Variants in TSGA10 observed in about 807,000 individuals in gnomAD.
TSGA10 encodes testis-specific gene 10 protein.
Under a neutral mutation model 96.6 loss-of-function variants are expected in TSGA10, and 43 were observed. The ratio of observed to expected loss-of-function variants is 0.44; its 90% confidence interval spans 0.35 to 0.57. The LOEUF is 0.57. TSGA10 is among the 20% of genes least tolerant of loss of function. TSGA10 has a pLI of 0.01. For synonymous variants in TSGA10, 229 were observed against 269.9 expected (o/e 0.85, Z 1.48); for missense variants, 703 against 834.4 (o/e 0.84, Z 1.94).
Position 99,147,258 on chromosome 2 carries a change from C to G in TSGA10, c.-621+7435G>C, listed in dbSNP as rs1210004117. On this transcript the variant is annotated intron_variant, in intron 1 of 20. Coordinates refer to ENST00000393483, the MANE Select transcript of TSGA10 (RefSeq NM_025244.4). ...TCAAGAGATCTTTCCACCTTGGCCTCCCAAAGTGCTGGAATTACAGGCGTG... is the reference window on the plus strand; with the variant it reads ...TCAAGAGATCTTTCCACCTTGGCCTGCCAAAGTGCTGGAATTACAGGCGTG... 6.3e-6 allele frequency: 3 copies of G among 478,254 alleles called. No homozygotes were observed. In the East Asian group the frequency reaches 9.4e-5, roughly 15 times the overall value. The allele number at this position is 478,254 out of a possible 1,614,324, so 29.6% of individuals were successfully genotyped here. A position where few individuals can be genotyped will look rare whatever the true frequency, so the allele number is the denominator to read the frequency against.
At chr2:99,083,576 G>C (rs1170427567) in intron 10 of TSGA10, among the ~76,000 whole-genome samples, 1 of 152,100 alleles carries the variant, frequency 6.6e-6, no homozygotes, top group Non-Finnish European at 1.5e-5. Flanking sequence ...AAATCAAAAT[G>C]TCCCTCACCA....
At chr2:99,149,442 C>CT (rs35395900) in intron 1 of TSGA10, among the ~76,000 whole-genome samples, 75,750 of 132,808 alleles carry the variant, frequency 0.57, 22,461 homozygotes, top group East Asian at 0.87. Context: ...ACATGATCAT[C>CT]TTTTTTTTTT....
intron 11 of TSGA10, among the ~76,000 whole-genome samples, chr2:99,079,720 GTGATTCTGACACAGA>G (rs1574126541): frequency 6.6e-6 from 1 of 152,132 alleles, no homozygotes; most frequent in Non-Finnish European, 1.5e-5. Flanking sequence ...AGCTCTCAAG[GTGATTCTGACACAGA>G]TGAAAGTTTG....
intron 1 of TSGA10, among the ~76,000 whole-genome samples, chr2:99,151,897 A>T (rs1471258354): frequency 6.6e-6 from 1 of 152,212 alleles, no homozygotes; most frequent in African/African-American, 2.4e-5. Context: ...ATTCATTTTA[A>T]AAGAGGAAAG....
chr2:99,071,664 A>AT (rs750137372), intron 14 of TSGA10, 42 bp downstream of exon 14: 1,692 of 1,520,304 alleles, frequency 1.1e-3, no homozygotes, highest in South Asian at 1.8e-3. Context: ...AGAAATTCAT[A>AT]TTTTTTTTTC....
intron 1 of TSGA10, among the ~76,000 whole-genome samples, chr2:99,127,764 A>G (rs2105000443): frequency 1.3e-5 from 2 of 152,348 alleles, no homozygotes; most frequent in South Asian, 4.1e-4. Context: ...TAACATGGAT[A>G]TAGCGTCCTT....
chr2:99,083,848 A>G (rs1289775152), intron 10 of TSGA10, among the ~76,000 whole-genome samples: 1 of 152,170 alleles, frequency 6.6e-6, no homozygotes, highest in Non-Finnish European at 1.5e-5. Context: ...GAGTAGCATG[A>G]GGGATATTTT....
At chr2:99,060,777 C>T (rs2084597959) in intron 16 of TSGA10, among the ~76,000 whole-genome samples, 1 of 152,104 alleles carries the variant, frequency 6.6e-6, no homozygotes, top group Admixed American at 6.5e-5. Flanking sequence ...CAGATCCACA[C>T]ATATATGATC....
intron 16 of TSGA10, among the ~76,000 whole-genome samples, chr2:99,042,429 G>A (rs1285453785): frequency 1.3e-5 from 2 of 152,136 alleles, no homozygotes; most frequent in African/African-American, 2.4e-5. Flanking sequence ...CAGGTAGCAC[G>A]GAGAAGGCTG....
intron 20 of TSGA10, among the ~76,000 whole-genome samples, chr2:99,007,317 T>G (rs1471814364): frequency 6.6e-6 from 1 of 151,818 alleles, no homozygotes; most frequent in Admixed American, 6.6e-5. Flanking sequence ...AGAGTGTAAA[T>G]TTCTCAAAAA....
intron 10 of TSGA10, among the ~76,000 whole-genome samples, chr2:99,098,451 A>AG (rs1289394866): frequency 2.9e-3 from 372 of 128,610 alleles, no homozygotes; most frequent in Middle Eastern, 0.017. Flanking sequence ...AAAAAAAAAA[A>AG]AAAAGAAAAG....
chr2:99,134,348 C>G (rs992715050), intron 1 of TSGA10, among the ~76,000 whole-genome samples: 14 of 151,940 alleles, frequency 9.2e-5, no homozygotes, highest in African/African-American at 3.4e-4. Context: ...AATCTCATAG[C>G]CTTTCTTCCA....
At chr2:99,075,779 C>T (rs551595176) in intron 12 of TSGA10, among the ~76,000 whole-genome samples, 1 of 151,684 alleles carries the variant, frequency 6.6e-6, no homozygotes, top group Non-Finnish European at 1.5e-5. Flanking sequence ...TGTTACGGTT[C>T]GCAGAATGGA....
At chr2:99,141,183 C>A in intron 1 of TSGA10, 1 of 1,226,690 alleles carries the variant, frequency 8.2e-7, no homozygotes, top group African/African-American at 1.6e-5. Flanking sequence ...GATACAAGAA[C>A]CGCCCACTCT....
intron 10 of TSGA10, among the ~76,000 whole-genome samples, chr2:99,084,801 T>A (rs979281431): frequency 3.3e-5 from 5 of 151,958 alleles, no homozygotes; most frequent in African/African-American, 4.8e-5. Flanking sequence ...GCTGATATTG[T>A]TAGTCACCCA....
At chr2:99,004,113 GA>G (rs2078245826) in intron 20 of TSGA10, among the ~76,000 whole-genome samples, 1 of 152,126 alleles carries the variant, frequency 6.6e-6, no homozygotes, top group African/African-American at 2.4e-5. Flanking sequence ...TGATAAAGGG[GA>G]TATCACCACT....
chr2:99,151,844 A>G (rs950906651), intron 1 of TSGA10, among the ~76,000 whole-genome samples: 2 of 152,312 alleles, frequency 1.3e-5, no homozygotes, highest in East Asian at 1.9e-4. Flanking sequence ...CTTGTTTTGT[A>G]TATCAGTTAT....
intron 17 of TSGA10, among the ~76,000 whole-genome samples, chr2:99,020,862 T>C (rs1008641391): frequency 4.0e-5 from 6 of 151,602 alleles, no homozygotes; most frequent in African/African-American, 9.7e-5. Flanking sequence ...TTGGACTCCA[T>C]AATTAAGGAA....
At chr2:99,040,443 C>T (rs1329237022) in intron 16 of TSGA10, among the ~76,000 whole-genome samples, 7 of 152,110 alleles carry the variant, frequency 4.6e-5, no homozygotes, top group Non-Finnish European at 8.8e-5. Context: ...TAAATCATCA[C>T]TGCTATACAC....
Sources: gnomAD v4.1 joint callset for allele counts (sites outside exome capture counted in the v4.1 genomes callset) on GRCh38, gnomAD v4.1.1 for gene constraint, MANE v1.5 for transcripts, NCBI Gene and HGNC (gene_info 2026-07-23, HGNC 2026-07-21) for gene names.